GALNT14: variants seen among roughly 807,000 people sequenced by gnomAD.
The protein encoded by GALNT14 is UDP-GalNAc:polypeptide N-acetylgalactosaminyltransferase 14.
GALNT14 carries 60 observed loss-of-function variants against 77.5 expected under a neutral mutation model. That is an observed-to-expected ratio of 0.77 (90% CI 0.63 to 0.96). GALNT14 has a LOEUF of 0.96. Ranked by LOEUF, GALNT14 falls within the 40% of genes least tolerant of loss-of-function variation. The pLI, the probability that GALNT14 is intolerant of heterozygous loss-of-function variation, is 0.00. For missense variants in GALNT14, 710 were observed against 731.0 expected (o/e 0.97, Z 0.33); for synonymous variants, 280 against 281.7 (o/e 0.99, Z 0.06).
chr2:30,917,076 C>CAAAAAAAA lies in GALNT14; in HGVS notation c.1381-4742_1381-4735dup, dbSNP rs529653696. On this transcript the variant is annotated intron_variant, in intron 13 of 14. Transcript: ENST00000349752. ...TGGGCAAAAGAGTAAGACTCCGTCT[C>CAAAAAAAA]AAAAAAAAAAAAAAAAAAAAAAAAA... is the stretch of plus-strand genomic sequence containing the variant. Among the ~76,000 whole-genome samples the CAAAAAAAA allele has an allele frequency of 3.5e-3, 69 of 19,906 alleles. 11 individuals are homozygous for CAAAAAAAA. Among genetic ancestry groups the CAAAAAAAA allele is most frequent in the African/African-American group, 9.7e-3 (52 of 5,388 alleles). 13.1% of individuals were successfully genotyped at this position (19,906 alleles called of 152,430 possible). A position where few individuals can be genotyped will look rare whatever the true frequency, so the allele number is the denominator to read the frequency against.
intron 1 of GALNT14, chr2:31,079,216 T>C (rs1017354324): frequency 5.0e-6 from 2 of 400,470 alleles, no homozygotes; most frequent in Middle Eastern, 1.9e-3. Context: ...TCTCCTCCTA[T>C]TAGGAAGCCA....
intron 2 of GALNT14, among the ~76,000 whole-genome samples, chr2:30,970,845 C>G (rs749060172): frequency 1.3e-5 from 2 of 152,132 alleles, no homozygotes; most frequent in African/African-American, 4.8e-5. Flanking sequence ...AGCTCAGGAG[C>G]CTGGACTCAC....
chr2:31,075,643 C>T (rs1264854410), intron 1 of GALNT14, among the ~76,000 whole-genome samples: 7 of 152,192 alleles, frequency 4.6e-5, no homozygotes, highest in African/African-American at 1.7e-4. Flanking sequence ...TATTAGGGAC[C>T]ACTGCTCCTC....
intron 1 of GALNT14, among the ~76,000 whole-genome samples, chr2:31,047,414 C>T (rs1673533124): frequency 6.6e-6 from 1 of 152,158 alleles, no homozygotes; most frequent in African/African-American, 2.4e-5. Flanking sequence ...CAGGTGGCTC[C>T]CTACCTTACA....
intron 3 of GALNT14, among the ~76,000 whole-genome samples, chr2:30,960,840 A>C (rs986412940): frequency 6.6e-6 from 1 of 152,194 alleles, no homozygotes; most frequent in Non-Finnish European, 1.5e-5. Flanking sequence ...GGCCCAGCAG[A>C]GGATAGCTCT....
chr2:30,956,121 G>T, intron 4 of GALNT14, 144 bp from the exon 5 acceptor site: 1 of 768,540 alleles, frequency 1.3e-6, no homozygotes, highest in East Asian at 2.6e-5. Flanking sequence ...CCTGACTCCA[G>T]GGTGTTTCCA....
At chr2:31,045,181 GA>G (rs1287503705) in intron 1 of GALNT14, among the ~76,000 whole-genome samples, 3 of 152,152 alleles carry the variant, frequency 2.0e-5, no homozygotes, top group Non-Finnish European at 4.4e-5. Context: ...GGGCGTTCAG[GA>G]AGATGAGAAA....
chr2:30,967,943 G>A (rs939378918), intron 2 of GALNT14, among the ~76,000 whole-genome samples: 9 of 152,158 alleles, frequency 5.9e-5, no homozygotes, highest in Non-Finnish European at 1.2e-4. Flanking sequence ...ATGGAGCAAC[G>A]TCCTTTCTCC....
chr2:30,897,162 C>T, the GALNT14 span, among the ~76,000 whole-genome samples: 1 of 152,144 alleles, frequency 6.6e-6, no homozygotes, highest in Non-Finnish European at 1.5e-5. Flanking sequence ...TGTTGACTTG[C>T]TCTCCATTCT....
intron 1 of GALNT14, among the ~76,000 whole-genome samples, chr2:31,135,163 C>T (rs1012478941): frequency 3.9e-5 from 6 of 152,128 alleles, no homozygotes; most frequent in African/African-American, 1.4e-4. Flanking sequence ...CATCTAGCTC[C>T]CAAATGCCAC....
chr2:30,912,842 A>G (rs1664450488), intron 13 of GALNT14, among the ~76,000 whole-genome samples: 1 of 152,234 alleles, frequency 6.6e-6, no homozygotes, highest in South Asian at 2.1e-4. Flanking sequence ...CATGAGAGTT[A>G]TGACAAGAGG....
intron 1 of GALNT14, among the ~76,000 whole-genome samples, chr2:31,036,772 T>A (rs1425295676): frequency 6.6e-6 from 1 of 152,222 alleles, no homozygotes; most frequent in Non-Finnish European, 1.5e-5. Context: ...CTACTGAATA[T>A]GAAATTCTTG....
intron 1 of GALNT14, among the ~76,000 whole-genome samples, chr2:31,132,254 T>C (rs911566054): frequency 3.9e-5 from 6 of 152,290 alleles, no homozygotes; most frequent in Admixed American, 3.3e-4. Context: ...ACGGTGAATT[T>C]CTCACCATAC....
intron 1 of GALNT14, among the ~76,000 whole-genome samples, chr2:30,994,613 G>T (rs2148407976): frequency 6.6e-6 from 1 of 152,232 alleles, no homozygotes; most frequent in South Asian, 2.1e-4. Context: ...AATCGGTGGG[G>T]GTGAGAAACC....
the GALNT14 span, among the ~76,000 whole-genome samples, chr2:30,890,413 C>T: frequency 6.6e-6 from 1 of 152,118 alleles, no homozygotes; most frequent in African/African-American, 2.4e-5. Flanking sequence ...ATCTCATTTT[C>T]TGTATCTCTG....
the GALNT14 span, among the ~76,000 whole-genome samples, chr2:30,902,839 C>T: frequency 5.3e-5 from 8 of 152,098 alleles, no homozygotes; most frequent in Non-Finnish European, 7.4e-5. Flanking sequence ...CAGATGAGGA[C>T]GATCCCAGGC....
chr2:30,931,777 C>T (rs868713397), intron 10 of GALNT14, among the ~76,000 whole-genome samples: 10 of 152,216 alleles, frequency 6.6e-5, no homozygotes, highest in Middle Eastern at 6.8e-3. Flanking sequence ...TATCTGGAGC[C>T]CATGCCCTGC....
At chr2:31,043,985 C>T (rs1009867755) in intron 1 of GALNT14, among the ~76,000 whole-genome samples, 4 of 152,244 alleles carry the variant, frequency 2.6e-5, no homozygotes, top group African/African-American at 9.6e-5. Flanking sequence ...TGGAAGGCCC[C>T]GCCCTCTGTG....
chr2:31,073,588 A>G (rs962596328), intron 1 of GALNT14, among the ~76,000 whole-genome samples: 1 of 152,160 alleles, frequency 6.6e-6, no homozygotes, highest in Admixed American at 6.5e-5. Context: ...GGCCTGAGAC[A>G]TGCTGTGGGT....
Sources: allele counts gnomAD v4.1 joint callset (sites outside exome capture counted in the v4.1 genomes callset), GRCh38; gene constraint gnomAD v4.1.1; transcripts MANE v1.5; gene names NCBI Gene and HGNC (gene_info 2026-07-23, HGNC 2026-07-21).